The following PDIA5 variants were observed in gnomAD, a reference collection of about 807,000 sequenced individuals.
The protein encoded by PDIA5 is protein disulfide isomerase family A member 5.
In PDIA5, 58 loss-of-function variants were observed where a neutral mutation model predicts 77.6. That is an observed-to-expected ratio of 0.75 (90% CI 0.61 to 0.93). The LOEUF (loss-of-function observed/expected upper bound fraction) is 0.93, where lower values mean the gene tolerates loss of function less well. Among genes scored for constraint, PDIA5 ranks in the 40% least tolerant of loss-of-function variants. The pLI, the probability that PDIA5 is intolerant of heterozygous loss-of-function variation, is 0.00. For synonymous variants in PDIA5, 250 were observed against 252.1 expected (o/e 0.99, Z 0.08); for missense variants, 630 against 647.7 (o/e 0.97, Z 0.30).
intron 10 of PDIA5, among the ~76,000 whole-genome samples, chr3:123,125,598 C>G (rs1036861122): frequency 2.0e-5 from 3 of 151,994 alleles, no homozygotes; most frequent in African/African-American, 7.3e-5. Flanking sequence ...AATTAGTTAT[C>G]CAAGATATGG....
At chr3:123,079,295 C>A (rs1401715274) in intron 1 of PDIA5, among the ~76,000 whole-genome samples, 1 of 151,052 alleles carries the variant, frequency 6.6e-6, no homozygotes, top group Non-Finnish European at 1.5e-5. Context: ...ATTCTCCTGC[C>A]TCAGCTTCCT....
At chr3:123,155,947 C>A (rs1282693028) in intron 15 of PDIA5, among the ~76,000 whole-genome samples, 1 of 151,940 alleles carries the variant, frequency 6.6e-6, no homozygotes, top group South Asian at 2.1e-4. Flanking sequence ...CAGGCCTAGA[C>A]GGAAGTTCAG....
chr3:123,106,850 T>G lies in PDIA5; in HGVS notation c.480+9T>G. On this transcript the variant is annotated intron_variant, in intron 6 of 16. Transcript: ENST00000316218. ...ACCTTGACAGTGAAAAGGTAATGTA[T>G]TCCCCGTCAGTTCTGATGGATGCTG... The G allele has an allele frequency of 6.3e-7, 1 of 1,586,594 alleles. No individual in the cohort carries two copies. Among genetic ancestry groups the G allele is most frequent in the Middle Eastern group, 2.2e-4 (1 of 4,648 alleles).
chr3:123,086,988 A>T (rs971152003), intron 1 of PDIA5, among the ~76,000 whole-genome samples: 1 of 152,182 alleles, frequency 6.6e-6, no homozygotes, highest in Non-Finnish European at 1.5e-5. Flanking sequence ...TCTTATGCCA[A>T]TTCTGACTCC....
intron 1 of PDIA5, among the ~76,000 whole-genome samples, chr3:123,077,028 G>C (rs1933874496): frequency 6.6e-6 from 1 of 152,214 alleles, no homozygotes; most frequent in African/African-American, 2.4e-5. Context: ...CCAAATGTAA[G>C]GTGTGGCTTT....
intron 14 of PDIA5, among the ~76,000 whole-genome samples, chr3:123,151,145 G>T (rs1460105239): frequency 6.6e-6 from 1 of 152,138 alleles, no homozygotes; most frequent in Non-Finnish European, 1.5e-5. Context: ...AGTAATCCGT[G>T]GAGTCTGTGT....
At chr3:123,145,987 G>A (rs1471141321) in intron 12 of PDIA5, 112 bp from the exon 13 acceptor site, 3 of 1,006,726 alleles carry the variant, frequency 3.0e-6, no homozygotes, top group Non-Finnish European at 1.5e-6. Flanking sequence ...AGCCACCCCA[G>A]TTAAATTCCA....
chr3:123,089,432 A>G, intron 2 of PDIA5, 138 bp downstream of exon 2: 1 of 765,920 alleles, frequency 1.3e-6, no homozygotes, highest in East Asian at 2.5e-5. Context: ...ACCTTTCCTC[A>G]GAAGACAGAG....
chr3:123,123,133 C>G (rs141353445), intron 8 of PDIA5, among the ~76,000 whole-genome samples: 45 of 152,106 alleles, frequency 3.0e-4, no homozygotes, highest in Admixed American at 5.2e-4. Flanking sequence ...ATATACTAGC[C>G]GGACATACTG....
intron 15 of PDIA5, 84 bp downstream of exon 15, chr3:123,155,125 CA>C: frequency 1.0e-6 from 1 of 957,518 alleles, no homozygotes; most frequent in Non-Finnish European, 1.7e-6. Flanking sequence ...CTTCCCCAAA[CA>C]GGGGCAGGTC....
intron 1 of PDIA5, among the ~76,000 whole-genome samples, chr3:123,087,477 T>G (rs2107917607): frequency 6.6e-6 from 1 of 152,108 alleles, no homozygotes; most frequent in African/African-American, 2.4e-5. Flanking sequence ...GAGATTTTTT[T>G]TTTTCAATTC....
chr3:123,125,137 G>A (rs190989379), intron 10 of PDIA5, among the ~76,000 whole-genome samples: 6 of 152,206 alleles, frequency 3.9e-5, no homozygotes, highest in Admixed American at 3.9e-4. Flanking sequence ...AGCCTCCCCA[G>A]GCCACCCTCG....
intron 11 of PDIA5, among the ~76,000 whole-genome samples, chr3:123,139,611 G>A (rs531754342): frequency 7.2e-5 from 11 of 152,312 alleles, no homozygotes; most frequent in East Asian, 3.9e-4. Context: ...CAGAGGAGGC[G>A]CAAAGATGGT....
At chr3:123,131,927 C>T (rs1387638515) in intron 11 of PDIA5, among the ~76,000 whole-genome samples, 1 of 152,024 alleles carries the variant, frequency 6.6e-6, no homozygotes, top group Non-Finnish European at 1.5e-5. Flanking sequence ...CCTCATGGAG[C>T]AGGGCTGAAA....
chr3:123,117,714 T>C lies in PDIA5; in HGVS notation c.609+1416T>C, dbSNP rs112951314. On this transcript the variant is annotated intron_variant, in intron 8 of 16. Transcript: ENST00000316218. ...CTATGTACATACCACATTTTCTTCA[T>C]ACACTCATCTGTTGATGAGTTGCTT... 3.7e-3 allele frequency among the ~76,000 whole-genome samples: 561 copies of C among 152,236 alleles called. 5 individuals are homozygous for C. Among genetic ancestry groups the C allele is most frequent in the African/African-American group, 0.013 (543 of 41,544 alleles).
chr3:123,142,924 G>A (rs897200953), intron 11 of PDIA5, among the ~76,000 whole-genome samples: 12 of 152,146 alleles, frequency 7.9e-5, no homozygotes, highest in African/African-American at 2.9e-4. Context: ...GCCACCTCCA[G>A]GAGGTCTTCT....
At chr3:123,155,111 G>A (rs1935991232) in intron 15 of PDIA5, 70 bp downstream of exon 15, 4 of 1,100,794 alleles carry the variant, frequency 3.6e-6, no homozygotes, top group Non-Finnish European at 5.6e-6. Context: ...TTGTCATTCA[G>A]GTCCTTCCCC....
chr3:123,105,060 T>C (rs1419556820), intron 5 of PDIA5, among the ~76,000 whole-genome samples: 1 of 152,234 alleles, frequency 6.6e-6, no homozygotes, highest in Non-Finnish European at 1.5e-5. Context: ...TCCACTGCTA[T>C]CTTTTTTTCT....
intron 1 of PDIA5, among the ~76,000 whole-genome samples, chr3:123,085,532 C>T (rs12489722): frequency 0.13 from 19,901 of 152,218 alleles, 1,518 homozygotes; most frequent in Non-Finnish European, 0.18. Flanking sequence ...GGTTAGATGA[C>T]CTGCGGGATG....
Sources: allele counts gnomAD v4.1 joint callset (sites outside exome capture counted in the v4.1 genomes callset), GRCh38; gene constraint gnomAD v4.1.1; transcripts MANE v1.5; gene names NCBI Gene and HGNC (gene_info 2026-07-23, HGNC 2026-07-21).